The following DGKB variants were observed in gnomAD, a reference collection of about 807,000 sequenced individuals.
DGKB encodes 90 kDa diacylglycerol kinase.
Under a neutral mutation model 114.3 loss-of-function variants are expected in DGKB, and 67 were observed. That is an observed-to-expected ratio of 0.59 (90% confidence interval 0.48 to 0.72). DGKB has a LOEUF of 0.72. Among genes scored for constraint, DGKB ranks in the 30% least tolerant of loss-of-function variants. DGKB has a pLI of 0.00. For missense variants in DGKB, 907 were observed against 975.2 expected (o/e 0.93, Z 0.93); for synonymous variants, 398 against 323.1 (o/e 1.23, Z -2.49).
chr7:14,286,652 G>A (rs1800922452), intron 23 of DGKB, among the ~76,000 whole-genome samples: 1 of 151,958 alleles, frequency 6.6e-6, no homozygotes, highest in South Asian at 2.1e-4. Flanking sequence ...CTTTAAATAT[G>A]CTATAAAATA....
chr7:14,852,241 A>T (rs1469811835), intron 1 of DGKB, among the ~76,000 whole-genome samples: 6 of 151,730 alleles, frequency 4.0e-5, no homozygotes, highest in Non-Finnish European at 7.4e-5. Flanking sequence ...TTAAGTTATT[A>T]TTGTTACCAT....
chr7:14,326,418 T>C (rs938069416), intron 23 of DGKB, among the ~76,000 whole-genome samples: 1 of 152,092 alleles, frequency 6.6e-6, no homozygotes, highest in Non-Finnish European at 1.5e-5. Flanking sequence ...CAAGCTACTG[T>C]GTTCTGGTGC....
At chr7:14,552,541 C>T (rs549837330) in intron 20 of DGKB, among the ~76,000 whole-genome samples, 1 of 152,268 alleles carries the variant, frequency 6.6e-6, no homozygotes, top group Admixed American at 6.5e-5. Context: ...CCCTCCCTGT[C>T]TCATGATACT....
At chr7:14,662,616 T>G (rs1258745261) in intron 13 of DGKB, among the ~76,000 whole-genome samples, 1 of 151,952 alleles carries the variant, frequency 6.6e-6, no homozygotes, top group Non-Finnish European at 1.5e-5. Flanking sequence ...TATGACTTCT[T>G]TACTTAATGA....
intron 1 of DGKB, among the ~76,000 whole-genome samples, chr7:14,910,981 C>T (rs534158251): frequency 1.3e-5 from 2 of 152,000 alleles, no homozygotes; most frequent in African/African-American, 4.8e-5. Flanking sequence ...TGTAATCTAT[C>T]TCAAGCACAT....
At chr7:14,801,876 ATGTG>A (rs747523350) in intron 2 of DGKB, among the ~76,000 whole-genome samples, 1 of 151,356 alleles carries the variant, frequency 6.6e-6, no homozygotes, top group East Asian at 1.9e-4. Context: ...ATATATACAT[ATGTG>A]TGTGTGTATA....
chr7:14,415,598 A>T (rs1392033611), intron 21 of DGKB, among the ~76,000 whole-genome samples: 1 of 151,842 alleles, frequency 6.6e-6, no homozygotes, highest in African/African-American at 2.4e-5. Flanking sequence ...AAGGACATGA[A>T]CTCATCCTTT....
intron 20 of DGKB, among the ~76,000 whole-genome samples, chr7:14,501,221 G>A (rs1277730608): frequency 1.3e-5 from 2 of 151,752 alleles, no homozygotes; most frequent in African/African-American, 4.8e-5. Context: ...AAATATTTAA[G>A]GGCCTGCCCA....
At chr7:14,735,944 T>C in intron 5 of DGKB, 97 bp downstream of exon 5, 1 of 784,330 alleles carries the variant, frequency 1.3e-6, no homozygotes, top group Non-Finnish European at 1.9e-6. Context: ...AACAAAACAA[T>C]TTTTATGCAA....
chr7:14,162,406 G>GTACA (rs750073355), intron 25 of DGKB, among the ~76,000 whole-genome samples: 2 of 152,088 alleles, frequency 1.3e-5, no homozygotes, highest in South Asian at 4.2e-4. Flanking sequence ...ATTCTGATAA[G>GTACA]TACATACAGT....
intron 20 of DGKB, among the ~76,000 whole-genome samples, chr7:14,509,274 G>C (rs1348483916): frequency 6.6e-6 from 1 of 152,054 alleles, no homozygotes; most frequent in Non-Finnish European, 1.5e-5. Flanking sequence ...TGCCAGTTGA[G>C]TTGGTCTCCC....
intron 12 of DGKB, 45 bp downstream of exon 12, chr7:14,682,508 T>G (rs753281952): frequency 1.1e-5 from 14 of 1,306,418 alleles, no homozygotes; most frequent in Non-Finnish European, 1.5e-5. Context: ...ATACACGTCT[T>G]CAGTGTGGGT....
chr7:14,298,651 A>T (rs1802989872), intron 23 of DGKB, among the ~76,000 whole-genome samples: 1 of 152,204 alleles, frequency 6.6e-6, no homozygotes, highest in Non-Finnish European at 1.5e-5. Context: ...GCATGACTAA[A>T]ACACCAAAAG....
chr7:14,623,253 T>TA (rs1352955137), intron 14 of DGKB, among the ~76,000 whole-genome samples: 1 of 152,208 alleles, frequency 6.6e-6, no homozygotes, highest in Non-Finnish European at 1.5e-5. Flanking sequence ...TTAAGTGCTT[T>TA]AGTGCCACAC....
At chr7:14,937,747 C>G (rs1384570225) in intron 1 of DGKB, among the ~76,000 whole-genome samples, 1 of 150,476 alleles carries the variant, frequency 6.6e-6, no homozygotes, top group South Asian at 2.1e-4. Context: ...CTCTGCTACC[C>G]CTGAGACAGC....
chr7:14,175,368 T>C (rs924611045), intron 25 of DGKB, among the ~76,000 whole-genome samples: 2 of 152,234 alleles, frequency 1.3e-5, no homozygotes, highest in African/African-American at 4.8e-5. Flanking sequence ...AAATTTTAAC[T>C]ACTCAGTAAA....
At chr7:14,626,902 T>A (rs1040913366) in intron 14 of DGKB, among the ~76,000 whole-genome samples, 1 of 152,168 alleles carries the variant, frequency 6.6e-6, no homozygotes, top group African/African-American at 2.4e-5. Flanking sequence ...AAGTATGAGT[T>A]TAGAAGCCAA....
chr7:14,155,670 C>A (rs1252891962), intron 25 of DGKB, among the ~76,000 whole-genome samples: 1 of 151,954 alleles, frequency 6.6e-6, no homozygotes, highest in Non-Finnish European at 1.5e-5. Context: ...ATTGAGGAGG[C>A]AGAAGTACAG....
intron 20 of DGKB, among the ~76,000 whole-genome samples, chr7:14,567,179 A>C (rs565577613): frequency 6.7e-4 from 63 of 94,208 alleles, no homozygotes; most frequent in Admixed American, 3.6e-3. Flanking sequence ...TATATTATAT[A>C]TAATTATATA....
Sources: gnomAD v4.1 joint callset for allele counts (sites outside exome capture counted in the v4.1 genomes callset) on GRCh38, gnomAD v4.1.1 for gene constraint, MANE v1.5 for transcripts, NCBI Gene and HGNC (gene_info 2026-07-23, HGNC 2026-07-21) for gene names.